The following HOOK2 variants were observed in gnomAD, a reference collection of about 807,000 sequenced individuals.
HOOK2 encodes the protein protein Hook homolog 2.
In HOOK2, 108 loss-of-function variants were observed where a neutral mutation model predicts 111.9. The observed-to-expected ratio is 0.96, with a 90% CI of 0.83 to 1.13. HOOK2 has a LOEUF of 1.13. HOOK2 is among the 50% of genes most tolerant of loss of function. HOOK2 has a pLI of 0.00. For missense variants in HOOK2, 978 were observed against 951.3 expected (o/e 1.03, Z -0.37); for synonymous variants, 405 against 394.3 (o/e 1.03, Z -0.32).
At position 12,769,958 on chromosome 19, in the gene HOOK2, C is replaced by A. The variant is rs570406661; in HGVS notation, c.1027G>T (p.Glu343Ter). The A allele has an allele frequency of 6.4e-7, 1 of 1,552,836 alleles. No individual in the cohort carries two copies. The highest frequency in any genetic ancestry group is 8.7e-7 in the Non-Finnish European group (1 of 1,156,054). The change falls in exon 11 of 23, where the codon GAG (glutamate) becomes TAG (stop). Residue 343 changes from glutamate to a stop codon, truncating the protein, a stop_gained. Transcript: ENST00000397668. LOFTEE classifies it high-confidence loss of function. ...QLEERNAGHA[E>*]RTRQLEDELR... The stretch of plus-strand genomic sequence containing the variant: ...TCATCCTCCAGTTGTCGCGTGCGCT[C>A]GGCGTGGCCGGCGTTGCGTTCCTCC...
At chr19:12,771,127 G>T (rs771016246) in intron 9 of HOOK2, 32 bp downstream of exon 9, 1 of 1,611,450 alleles carries the variant, frequency 6.2e-7, no homozygotes, top group Non-Finnish European at 8.5e-7. Flanking sequence ...CGGTCCCCTG[G>T]CTTGCCTGGC....
chr19:12,781,706 A>T (rs1333965822), upstream of HOOK2, among the ~76,000 whole-genome samples: 1 of 152,098 alleles, frequency 6.6e-6, no homozygotes, highest in Non-Finnish European at 1.5e-5. Context: ...TATTTGTGGT[A>T]ACAGGGGTCA....
upstream of HOOK2, among the ~76,000 whole-genome samples, chr19:12,775,982 A>G (rs1021997446): frequency 2.3e-5 from 3 of 133,300 alleles, no homozygotes; most frequent in East Asian, 4.4e-4. Flanking sequence ...GGTTCACGCC[A>G]TTCTCCTGCC....
chr19:12,789,181 G>A (rs1213333997), intron 3 of HOOK2, among the ~76,000 whole-genome samples: 2 of 149,712 alleles, frequency 1.3e-5, no homozygotes, highest in African/African-American at 5.1e-5. Context: ...AGCTGAGAGA[G>A]AGAGAGAGAG....
At chr19:12,770,805 CA>C in intron 10 of HOOK2, 126 bp downstream of exon 10, 1 of 1,185,154 alleles carries the variant, frequency 8.4e-7, no homozygotes, top group Non-Finnish European at 1.2e-6. Flanking sequence ...CTGTGGAGTC[CA>C]GGGGGCATAT....
Position 12,774,753 on chromosome 19 carries a change from A to C in HOOK2, c.132-12T>G, listed in dbSNP as rs748929191. 1.2e-6 allele frequency: 2 copies of C among 1,613,686 alleles called. No homozygotes were observed. The highest frequency in any genetic ancestry group is 2.2e-5 in the South Asian group (2 of 91,066). The stretch of plus-strand genomic sequence containing the variant: ...ACCAGGAGGGGTCTCTGGGGGCGAG[A>C]AGGTGGGATGAGCAGACTGGGGGAC... On this transcript the variant is annotated splice_polypyrimidine_tract_variant and intron_variant, in intron 2 of 22. Coordinates refer to ENST00000397668, the MANE Select transcript of HOOK2 (RefSeq NM_013312.3).
chr19:12,765,625 T>G, intron 18 of HOOK2, 65 bp downstream of exon 18: 1 of 1,594,298 alleles, frequency 6.3e-7, no homozygotes, highest in Non-Finnish European at 8.6e-7. Flanking sequence ...GGCACATGCC[T>G]AAGAAACTCC....
chr19:12,767,798 G>A lies in HOOK2; in HGVS notation c.1303+18C>T. The stretch of plus-strand genomic sequence containing the variant: ...TACACCAGGACAGGTAAGACCCCGG[G>A]ATGGGGCTTCATCTCACCGGCCTGG... On this transcript the variant is annotated intron_variant, in intron 13 of 22. Coordinates refer to ENST00000397668, the MANE Select transcript of HOOK2 (RefSeq NM_013312.3). The A allele has an allele frequency of 6.3e-7, 1 of 1,597,614 alleles. No homozygotes were observed.
chr19:12,763,357 C>G lies in HOOK2; in HGVS notation c.2085G>C (p.Arg695=). 6.2e-7 allele frequency: 1 copy of G among 1,614,160 alleles called. No homozygotes were observed. The highest frequency in any genetic ancestry group is 8.5e-7 in the Non-Finnish European group (1 of 1,180,038). ...AHAQSFLAQQ[R]LATNSRRGPL... ...GTCCACGGCGAGAATTGGTTGCCAG[C>G]CGCTGCTGTGCCAGGAATGACTGGG... is the stretch of plus-strand genomic sequence containing the variant. Residue 695 remains arginine, a synonymous_variant, in exon 23 of 23, where the codon CGG becomes CGC. Transcript: ENST00000397668.
In HOOK2 at chr19:12,771,291, C is replaced by A; in HGVS notation, c.629G>T (p.Ser210Ile). Residue 210 changes from serine to isoleucine, a missense_variant, in exon 9 of 23, where the codon AGC becomes ATC. Physicochemically the swap from Ser to Ile is moderately radical, Grantham distance 142. This residue lies in a region of HOOK2 where 301 missense variants were observed against 286.1 expected (regional missense o/e 1.05). Transcript: ENST00000397668. ...QLMLLSEEKQSLAQENAGLRE... is the reference protein window; with the variant it reads ...QLMLLSEEKQILAQENAGLRE... Reference sequence around the variant, plus strand: ...CAGCCCTGCATTCTCTTGCGCCAGGCTCTGCTTCTCCTCTGACAGGAGCAT... The same window carrying A: ...CAGCCCTGCATTCTCTTGCGCCAGGATCTGCTTCTCCTCTGACAGGAGCAT... The A allele has an allele frequency of 3.1e-6, 5 of 1,603,654 alleles. No individual in the cohort carries two copies. The highest frequency in any genetic ancestry group is 4.3e-6 in the Non-Finnish European group (5 of 1,174,718).
intron 11 of HOOK2, 35 bp from the exon 12 acceptor site, chr19:12,768,158 G>T: frequency 6.3e-7 from 1 of 1,576,788 alleles, no homozygotes; most frequent in Non-Finnish European, 8.7e-7. Context: ...AGGACAGCAG[G>T]GCTGGGAGCA....
chr19:12,775,683 C>G (rs1460782307), upstream of HOOK2: 2 of 395,798 alleles, frequency 5.1e-6, no homozygotes, highest in East Asian at 4.4e-5. Context: ...GATCCGGGCA[C>G]CGTTCGGGCG....
intron 14 of HOOK2, 192 bp from the exon 15 acceptor site, chr19:12,766,432 G>A (rs1385684795): frequency 4.6e-6 from 3 of 649,574 alleles, no homozygotes; most frequent in East Asian, 3.0e-5. Context: ...GGAGCTCTAA[G>A]CTGGGATAGT....
rs1486762554 is a variant in HOOK2 at position 12,767,398 on chromosome 19, AGCTCC to A, written c.1365_1369del (p.Glu456GlnfsTer75). The A allele has an allele frequency of 1.9e-6, 3 of 1,613,736 alleles. No individual in the cohort carries two copies. The East Asian group carries it at 6.7e-5, about 36-fold the overall frequency. On this transcript the variant is annotated frameshift_variant, in exon 14 of 23. Transcript: ENST00000397668. LOFTEE classifies it high-confidence loss of function. ...GTTTTGAGTGACCCCAGGATACCTGAGCTCCGCAGGCAGGATCTCTGCGGCTAAGT... is the reference window on the plus strand; with the variant it reads ...GTTTTGAGTGACCCCAGGATACCTGAGCAGGCAGGATCTCTGCGGCTAAGT...
At chr19:12,785,022 AGACT>A (rs752641416) in intron 3 of HOOK2, 1 of 152,274 alleles carries the variant, frequency 6.6e-6, no homozygotes, top group Non-Finnish European at 1.5e-5. Flanking sequence ...AGATCTGGGC[AGACT>A]GACACATTCA....
chr19:12,769,217 G>T (rs577056518), intron 11 of HOOK2, among the ~76,000 whole-genome samples: 1 of 150,780 alleles, frequency 6.6e-6, no homozygotes. Context: ...CACCCGCCTC[G>T]GCCTCCCAAA....
upstream of HOOK2, among the ~76,000 whole-genome samples, chr19:12,783,236 C>G (rs569979373): frequency 6.6e-6 from 1 of 152,052 alleles, no homozygotes; most frequent in East Asian, 1.9e-4. Context: ...GGACTTCGCT[C>G]TCCGCGGGGA....
intron 18 of HOOK2, 27 bp downstream of exon 18, chr19:12,765,663 G>A (rs771471079): frequency 1.2e-6 from 2 of 1,613,610 alleles, no homozygotes; most frequent in East Asian, 2.2e-5. Context: ...ATGCCCCCAC[G>A]AGGAGTTCCC....
At chr19:12,774,991 A>T in intron 1 of HOOK2, 94 bp from the exon 2 acceptor site, 1 of 1,257,832 alleles carries the variant, frequency 8.0e-7, no homozygotes, top group Non-Finnish European at 1.1e-6. Flanking sequence ...CGAACCTCAC[A>T]TGGTGGGGCG....
Sources: allele counts gnomAD v4.1 joint callset (sites outside exome capture counted in the v4.1 genomes callset), GRCh38; gene constraint gnomAD v4.1.1; regional missense constraint gnomAD v4.1.1; transcripts MANE v1.5; gene names NCBI Gene and HGNC (gene_info 2026-07-23, HGNC 2026-07-21).